AZU1: variants seen among roughly 807,000 people sequenced by gnomAD.
AZU1 encodes azurocidin.
AZU1 carries 21 observed loss-of-function variants against 17.8 expected under a neutral mutation model. The ratio of observed to expected loss-of-function variants is 1.18; its 90% CI spans 0.84 to 1.70. AZU1 has a LOEUF of 1.70. AZU1 is among the 40% of genes most tolerant of loss of function. The probability of loss-of-function intolerance (pLI) is 0.00; values close to 1 mark genes in which losing one functional copy is unlikely to be tolerated. For synonymous variants in AZU1, 178 were observed against 155.2 expected (o/e 1.15, Z -1.09); for missense variants, 379 against 362.9 (o/e 1.04, Z -0.36).
At chr19:828,749 C>T (rs1421088147) in intron 2 of AZU1, among the ~76,000 whole-genome samples, 1 of 65,268 alleles carries the variant, frequency 1.5e-5, no homozygotes, top group Non-Finnish European at 2.8e-5. Context: ...AAGGAAGGGG[C>T]TCAGATGGAG....
rs753513160 is a variant in AZU1, at chr19:831,910, C to G, written c.*33C>G. On this transcript the variant is annotated 3_prime_UTR_variant, in exon 5 of 5. Coordinates refer to ENST00000233997, the MANE Select transcript of AZU1 (RefSeq NM_001700.5). ...TGTGACCTCCCATGGAGCCCAGCCC[C>G]GCCCTCCACACCTCCGGCGCTCCGC... 6.3e-7 allele frequency: 1 copy of G among 1,593,820 alleles called. No homozygotes were observed. Among genetic ancestry groups the G allele is most frequent in the East Asian group, 2.2e-5 (1 of 44,536 alleles).
chr19:829,844 T>G (rs2035265175), intron 3 of AZU1, 138 bp downstream of exon 3: 2 of 1,272,994 alleles, frequency 1.6e-6, no homozygotes, highest in South Asian at 3.0e-5. Context: ...GCCCCTGTGC[T>G]TCAGGAGGCC....
rs182652657 is a variant in AZU1 at position 831,319 on chromosome 19, C to A, written c.594+378C>A. The A allele has an allele frequency of 4.5e-5, 14 of 311,892 alleles. No homozygotes were observed. In the Middle Eastern group the frequency reaches 2.8e-3, roughly 62 times the overall value. 19.3% of individuals were successfully genotyped at this position (311,892 alleles called of 1,614,324 possible). ...GGTCTCGAACTCCTGACCTCATGAT[C>A]GACCCACCTTGGCCTCCCAAAGTGT... is the stretch of plus-strand genomic sequence containing the variant. On this transcript the variant is annotated intron_variant, in intron 4 of 4. Transcript: ENST00000233997.
In AZU1 at chr19:831,863, C is replaced by T; in HGVS notation, c.742C>T (p.Pro248Ser). 6.2e-7 allele frequency: 1 copy of T among 1,612,050 alleles called. No homozygotes were observed. Among genetic ancestry groups the T allele is most frequent in the Non-Finnish European group, 8.5e-7 (1 of 1,179,452 alleles). ...CGATGGTGTTCTCAACAACCCGGGA[C>T]CGGGGCCAGCCTAGGGGGGCCTGTG... ...WIDGVLNNPGPGPA is the reference protein window; with the variant it reads ...WIDGVLNNPGSGPA Residue 248 changes from proline (P) to serine (S), a missense_variant, in exon 5 of 5, where the codon CCG becomes TCG. Transcript: ENST00000233997.
chr19:830,671 C>T (rs1423384240), intron 3 of AZU1, 37 bp from the exon 4 acceptor site: 2 of 1,512,680 alleles, frequency 1.3e-6, no homozygotes, highest in Non-Finnish European at 1.8e-6. Context: ...CTCCAGTCCC[C>T]AGGGCCACCC....
rs1411189683 is a variant in AZU1, at chr19:828,329, G to T, written c.158G>T (p.Gly53Val). 6.2e-7 allele frequency: 1 copy of T among 1,610,872 alleles called. No individual in the cohort carries two copies. Residue 53 changes from glycine to valine, a missense_variant, in exon 2 of 5, where the codon GGG becomes GTG. Coordinates refer to ENST00000233997, the MANE Select transcript of AZU1 (RefSeq NM_001700.5). ...CAGAATCAAGGCAGGCACTTCTGCG[G>T]GGGTGCCCTGATCCATGCCCGCTTC... The part of the protein sequence containing the change: ...SIQNQGRHFC[G>V]GALIHARFVM...
At chr19:829,794 A>G in intron 3 of AZU1, 88 bp downstream of exon 3, 1 of 1,502,992 alleles carries the variant, frequency 6.7e-7, no homozygotes, top group Non-Finnish European at 9.0e-7. Context: ...CTCTACAAAA[A>G]AATACAAAAA....
chr19:831,727 C>T lies in AZU1; in HGVS notation c.606C>T (p.Gly202=). The T allele has an allele frequency of 2.5e-6, 4 of 1,605,742 alleles. No individual in the cohort carries two copies. Among genetic ancestry groups the T allele is most frequent in the East Asian group, 2.2e-5 (1 of 44,714 alleles). ...RRGGICNGDG[G]TPLVCEGLAH... ...TGCTGCCTGCCCAGGGGGACGGGGG[C>T]ACCCCCCTCGTCTGCGAGGGCCTGG... Residue 202 remains glycine (G), a synonymous_variant, in exon 5 of 5, where the codon GGC becomes GGT. Transcript: ENST00000233997.
chr19:829,685 G>C lies in AZU1; in HGVS notation c.339G>C (p.Leu113=). 1 of 1,613,334 alleles carries C rather than the reference G, an allele frequency of 6.2e-7. No homozygotes were observed. Among genetic ancestry groups the C allele is most frequent in the Non-Finnish European group, 8.5e-7 (1 of 1,179,944 alleles). The change falls in exon 3 of 5, where the codon CTG becomes CTC. Residue 113 remains leucine, a synonymous_variant. Coordinates refer to ENST00000233997, the MANE Select transcript of AZU1 (RefSeq NM_001700.5). The part of the protein sequence containing the change: ...SENGYDPQQN[L]NDLMLLQLDR... Reference sequence around the variant, plus strand: ...ATGGCTACGACCCCCAGCAGAACCTGAACGACCTGATGCTGCTTCAGGTGA... The same window carrying C: ...ATGGCTACGACCCCCAGCAGAACCTCAACGACCTGATGCTGCTTCAGGTGA...
At position 828,229 on chromosome 19, in the gene AZU1, G is replaced by A; in HGVS notation, c.59-1G>A. On this transcript the variant is annotated splice_acceptor_variant, in intron 1 of 4. Coordinates refer to ENST00000233997, the MANE Select transcript of AZU1 (RefSeq NM_001700.5). LOFTEE classifies it high-confidence loss of function. ...CTCAGAGCTGTCTCCCCCCGACCCA[G>A]GCTCCAGCCCCCTTTTGGACATCGT... The A allele has an allele frequency of 6.3e-7, 1 of 1,598,170 alleles. No homozygotes were observed. The highest frequency in any genetic ancestry group is 1.1e-5 in the South Asian group (1 of 89,656).
In AZU1 at chr19:829,583, G is replaced by A; in HGVS notation, c.237G>A (p.Val79=). ...FQSQNPGVST[V]VLGAYDLRRR... ...TCAGGAACCCCGGGGTTAGCACCGT[G>A]GTGCTGGGTGCCTATGACCTGAGGC... Residue 79 remains valine, a synonymous_variant, in exon 3 of 5, where the codon GTG becomes GTA. Coordinates refer to ENST00000233997, the MANE Select transcript of AZU1 (RefSeq NM_001700.5). The A allele has an allele frequency of 3.1e-6, 5 of 1,613,246 alleles. No homozygotes were observed. The highest frequency in any genetic ancestry group is 4.2e-6 in the Non-Finnish European group (5 of 1,179,938).
At chr19:829,437 GGA>G (rs1340850590) in intron 2 of AZU1, 123 bp from the exon 3 acceptor site, 13 of 1,318,592 alleles carry the variant, frequency 9.9e-6, no homozygotes, top group Non-Finnish European at 1.3e-5. Context: ...TAAAAGCGGG[GGA>G]GTTTTCAGGG....
At chr19:830,399 GT>G (rs2035273024) in intron 3 of AZU1, among the ~76,000 whole-genome samples, 2 of 152,118 alleles carry the variant, frequency 1.3e-5, no homozygotes, top group African/African-American at 4.8e-5. Flanking sequence ...TTCATGTTTG[GT>G]TTTTTTCTTT....
intron 3 of AZU1, 30 bp from the exon 4 acceptor site, chr19:830,678 A>G (rs776619088): frequency 6.6e-7 from 1 of 1,520,556 alleles, no homozygotes; most frequent in Non-Finnish European, 8.8e-7. Context: ...CCCCAGGGCC[A>G]CCCTCCCCTG....
intron 4 of AZU1, 99 bp from the exon 5 acceptor site, chr19:831,617 G>T: frequency 7.6e-7 from 1 of 1,322,750 alleles, no homozygotes. Flanking sequence ...GGCTGGATCA[G>T]GACTTGTAGG....
At chr19:828,437 G>A in intron 2 of AZU1, 51 bp downstream of exon 2, 6 of 1,474,628 alleles carry the variant, frequency 4.1e-6, no homozygotes, top group Middle Eastern at 2.1e-4. Context: ...TCAGAGAAGG[G>A]GCTTGGGGGG....
chr19:828,304 C>G lies in AZU1; in HGVS notation c.133C>G (p.Gln45Glu), dbSNP rs2035239799. The change falls in exon 2 of 5, where the codon CAG becomes GAG. Residue 45 changes from glutamine to glutamate, a missense_variant. Physicochemically the swap from Gln to Glu is conservative, Grantham distance 29. Transcript: ENST00000233997. ...CCAGTTCCCGTTCCTGGCCTCCATT[C>G]AGAATCAAGGCAGGCACTTCTGCGG... ...PRQFPFLASI[Q>E]NQGRHFCGGA... The G allele has an allele frequency of 1.9e-6, 3 of 1,611,664 alleles. No individual in the cohort carries two copies. The highest frequency in any genetic ancestry group is 1.1e-5 in the South Asian group (1 of 90,944).
intron 2 of AZU1, 94 bp from the exon 3 acceptor site, chr19:829,468 A>G: frequency 6.8e-7 from 1 of 1,477,500 alleles, no homozygotes; most frequent in Non-Finnish European, 9.2e-7. Context: ...TGCAGTCTGC[A>G]GGCTGGGATC....
chr19:828,055 C>T (rs970901323), intron 1 of AZU1, 151 bp downstream of exon 1: 11 of 1,377,682 alleles, frequency 8.0e-6, no homozygotes, highest in African/African-American at 1.4e-5. Context: ...GGCGTGAGGG[C>T]GGACGGTGTG....
Sources: allele counts gnomAD v4.1 joint callset (sites outside exome capture counted in the v4.1 genomes callset), GRCh38; gene constraint gnomAD v4.1.1; transcripts MANE v1.5; gene names NCBI Gene and HGNC (gene_info 2026-07-23, HGNC 2026-07-21).